NTM: variants seen among roughly 807,000 people sequenced by gnomAD.
NTM encodes neurotrimin, also known as IgLON family member 2.
In NTM, 13 loss-of-function variants were observed where a neutral mutation model predicts 42.1. That is an observed-to-expected ratio of 0.31 (90% CI 0.20 to 0.49). NTM has a LOEUF of 0.49. Ranked by LOEUF, NTM falls within the 20% of genes least tolerant of loss-of-function variation. The probability of loss-of-function intolerance (pLI) is 0.99; values close to 1 mark genes in which losing one functional copy is unlikely to be tolerated. For missense variants in NTM, 373 were observed against 452.8 expected, an observed-to-expected ratio of 0.82 and a Z score of 1.60; for synonymous variants, 187 against 179.2, an observed-to-expected ratio of 1.04 and a Z score of -0.35.
intron 1 of NTM, among the ~76,000 whole-genome samples, chr11:131,445,026 T>C (rs559824770): frequency 3.3e-5 from 5 of 152,368 alleles, no homozygotes; most frequent in Admixed American, 6.5e-5. Context: ...CCTGAAGTCA[T>C]AGTATAATAC....
chr11:132,082,686 G>A (rs1351459067), intron 2 of NTM, among the ~76,000 whole-genome samples: 2 of 152,184 alleles, frequency 1.3e-5, no homozygotes, highest in African/African-American at 4.8e-5. Flanking sequence ...TTAGAATAAG[G>A]ACAAGGATGA....
intron 1 of NTM, among the ~76,000 whole-genome samples, chr11:131,689,100 G>T (rs554265814): frequency 6.6e-6 from 1 of 151,480 alleles, no homozygotes; most frequent in African/African-American, 2.5e-5. Flanking sequence ...CGCAGCCCCC[G>T]AGGAAGGAAG....
At chr11:131,967,583 A>G (rs1054200070) in intron 2 of NTM, among the ~76,000 whole-genome samples, 7 of 152,184 alleles carry the variant, frequency 4.6e-5, no homozygotes, top group Non-Finnish European at 2.9e-5. Flanking sequence ...GCAGGCAGAG[A>G]TAAAGGGAAG....
At chr11:132,284,405 T>G (rs1468078968) in intron 4 of NTM, 1 of 152,322 alleles carries the variant, frequency 6.6e-6, no homozygotes, top group Non-Finnish European at 1.5e-5. Context: ...TGCATCTCTG[T>G]GTCCTGATCT....
At chr11:132,073,367 A>G (rs1055805068) in intron 2 of NTM, among the ~76,000 whole-genome samples, 2 of 152,188 alleles carry the variant, frequency 1.3e-5, no homozygotes, top group Non-Finnish European at 2.9e-5. Flanking sequence ...TAATGAAGCA[A>G]TATTTATGTA....
At chr11:131,504,512 A>G (rs994943214) in intron 1 of NTM, among the ~76,000 whole-genome samples, 2 of 152,150 alleles carry the variant, frequency 1.3e-5, no homozygotes, top group Non-Finnish European at 2.9e-5. Context: ...TGAGCACACC[A>G]TACCACCCGT....
intron 7 of NTM, among the ~76,000 whole-genome samples, chr11:132,329,205 C>T (rs1025029594): frequency 2.0e-5 from 3 of 152,170 alleles, no homozygotes; most frequent in African/African-American, 7.2e-5. Flanking sequence ...AACACAGACT[C>T]CCAAGGCATC....
intron 2 of NTM, among the ~76,000 whole-genome samples, chr11:131,949,590 T>A (rs2060754296): frequency 6.6e-6 from 1 of 152,188 alleles, no homozygotes; most frequent in African/African-American, 2.4e-5. Context: ...CCTTGGGGAT[T>A]CGGGGTCTTG....
intron 1 of NTM, among the ~76,000 whole-genome samples, chr11:131,703,333 C>G (rs1302104985): frequency 2.0e-5 from 3 of 152,158 alleles, no homozygotes; most frequent in Admixed American, 1.3e-4. Context: ...ACTTTGTATC[C>G]CATAAATATA....
chr11:131,524,688 C>T (rs761382497), intron 1 of NTM, among the ~76,000 whole-genome samples: 6 of 152,170 alleles, frequency 3.9e-5, no homozygotes, highest in Admixed American at 1.3e-4. Context: ...GAATCTGAGA[C>T]GTAATTTAGC....
At chr11:131,954,864 C>T (rs2061400832) in intron 2 of NTM, among the ~76,000 whole-genome samples, 1 of 152,150 alleles carries the variant, frequency 6.6e-6, no homozygotes, top group South Asian at 2.1e-4. Flanking sequence ...TGTATATACA[C>T]ATCTTTCTGT....
At chr11:131,650,443 C>T (rs1003483392) in intron 1 of NTM, among the ~76,000 whole-genome samples, 2 of 152,216 alleles carry the variant, frequency 1.3e-5, no homozygotes, top group Non-Finnish European at 2.9e-5. Context: ...TCCAACATGG[C>T]TCCTCATTCT....
chr11:131,990,291 TGTAA>T (rs1245821934), intron 2 of NTM, among the ~76,000 whole-genome samples: 2 of 152,158 alleles, frequency 1.3e-5, no homozygotes, highest in African/African-American at 4.8e-5. Flanking sequence ...ATGCTGCATA[TGTAA>T]GTGTGTGGAT....
intron 2 of NTM, among the ~76,000 whole-genome samples, chr11:132,060,443 T>A (rs1046822864): frequency 1.1e-4 from 17 of 152,238 alleles, no homozygotes; most frequent in Non-Finnish European, 2.1e-4. Context: ...ACAGAGGTTG[T>A]ATCCACATTT....
chr11:131,743,565 T>A (rs1164286389), intron 1 of NTM, among the ~76,000 whole-genome samples: 1 of 152,194 alleles, frequency 6.6e-6, no homozygotes, highest in Non-Finnish European at 1.5e-5. Flanking sequence ...TTAAATTTAA[T>A]TGCCATATGT....
chr11:132,075,623 A>G (rs1426596984), intron 2 of NTM, among the ~76,000 whole-genome samples: 2 of 152,236 alleles, frequency 1.3e-5, no homozygotes, highest in East Asian at 3.8e-4. Context: ...TTTTCGAGCT[A>G]TTATTAGCCT....
At chr11:131,972,924 G>C (rs2063767140) in intron 2 of NTM, among the ~76,000 whole-genome samples, 1 of 152,096 alleles carries the variant, frequency 6.6e-6, no homozygotes, top group Non-Finnish European at 1.5e-5. Context: ...ATCACTTTGT[G>C]CCATCTTACT....
At chr11:131,856,346 CATCTA>C (rs141338422) in intron 1 of NTM, among the ~76,000 whole-genome samples, 5,192 of 152,182 alleles carry the variant, frequency 0.034, 301 homozygotes, top group African/African-American at 0.12. Context: ...AGACAGAGAT[CATCTA>C]ATCTAAGAGT....
intron 1 of NTM, among the ~76,000 whole-genome samples, chr11:131,396,640 C>A (rs1279429663): frequency 6.6e-6 from 1 of 152,036 alleles, no homozygotes. Context: ...TCGAGACCAA[C>A]CGGGCTAAGA....
Sources: allele counts gnomAD v4.1 joint callset (sites outside exome capture counted in the v4.1 genomes callset), GRCh38; gene constraint gnomAD v4.1.1; transcripts MANE v1.5; gene names NCBI Gene and HGNC (gene_info 2026-07-23, HGNC 2026-07-21).